CSRNP3: variants seen among roughly 807,000 people sequenced by gnomAD.
CSRNP3 encodes cysteine/serine-rich nuclear protein 3.
CSRNP3 carries 12 observed loss-of-function variants against 48.0 expected under a neutral mutation model. The ratio of observed to expected loss-of-function variants is 0.25; its 90% CI spans 0.16 to 0.41. The LOEUF is 0.41. Among genes scored for constraint, CSRNP3 ranks in the 10% least tolerant of loss-of-function variants. CSRNP3 has a pLI of 1.00. For synonymous variants in CSRNP3, 263 were observed against 269.7 expected (o/e 0.98, Z 0.24); for missense variants, 580 against 724.4 (o/e 0.80, Z 2.29).
chr2:165,590,697 C>T (rs1427529829), intron 3 of CSRNP3, among the ~76,000 whole-genome samples: 1 of 152,074 alleles, frequency 6.6e-6, no homozygotes, highest in Non-Finnish European at 1.5e-5. Flanking sequence ...AAGGGGTTTT[C>T]CCCCTCTATT....
chr2:165,504,631 A>G (rs1159601483), intron 2 of CSRNP3, among the ~76,000 whole-genome samples: 2 of 152,104 alleles, frequency 1.3e-5, no homozygotes, highest in Non-Finnish European at 2.9e-5. Context: ...TATCTATAGT[A>G]TTATTAATTA....
At chr2:165,535,962 C>T (rs1225506154) in intron 3 of CSRNP3, among the ~76,000 whole-genome samples, 1 of 151,776 alleles carries the variant, frequency 6.6e-6, no homozygotes, top group African/African-American at 2.4e-5. Context: ...AATGACTTCT[C>T]TTCTCAGAAA....
intron 2 of CSRNP3, among the ~76,000 whole-genome samples, chr2:165,514,704 A>G (rs537126572): frequency 2.0e-5 from 3 of 151,518 alleles, no homozygotes; most frequent in Admixed American, 2.0e-4. Context: ...ATTCTTCCCA[A>G]CTCCTCCTCC....
chr2:165,547,594 T>G (rs976827148), intron 3 of CSRNP3, among the ~76,000 whole-genome samples: 2 of 152,100 alleles, frequency 1.3e-5, no homozygotes, highest in African/African-American at 4.8e-5. Context: ...ATTAAGTACC[T>G]GCACAGAATG....
At chr2:165,613,913 TG>T (rs1188296192) in intron 4 of CSRNP3, among the ~76,000 whole-genome samples, 3 of 151,044 alleles carry the variant, frequency 2.0e-5, no homozygotes, top group East Asian at 1.9e-4. Flanking sequence ...ACTTTTAGAG[TG>T]TTTTTTTTTT....
intron 5 of CSRNP3, among the ~76,000 whole-genome samples, chr2:165,661,782 C>T (rs936922422): frequency 1.4e-4 from 21 of 152,102 alleles, no homozygotes; most frequent in Admixed American, 1.2e-3. Flanking sequence ...CAGTGAATTG[C>T]CCGCTGAATA....
intron 4 of CSRNP3, among the ~76,000 whole-genome samples, chr2:165,598,450 T>C (rs986762865): frequency 4.6e-5 from 7 of 152,220 alleles, no homozygotes; most frequent in Admixed American, 2.0e-4. Flanking sequence ...AATTTTTATT[T>C]CTGTTAATTT....
chr2:165,655,593 A>T (rs1460867776), intron 4 of CSRNP3, among the ~76,000 whole-genome samples: 2 of 152,194 alleles, frequency 1.3e-5, no homozygotes, highest in African/African-American at 4.8e-5. Context: ...GGGCTCCCGT[A>T]AAAATGACGA....
intron 4 of CSRNP3, among the ~76,000 whole-genome samples, chr2:165,634,877 CTTACT>C (rs1269088801): frequency 6.6e-6 from 1 of 152,210 alleles, no homozygotes; most frequent in African/African-American, 2.4e-5. Context: ...ATCTGTGTGC[CTTACT>C]TTATTGTTAT....
intron 3 of CSRNP3, among the ~76,000 whole-genome samples, chr2:165,582,862 A>G (rs1328173456): frequency 1.3e-5 from 2 of 152,268 alleles, no homozygotes; most frequent in Admixed American, 1.3e-4. Context: ...TCTACCGCAT[A>G]TAAAGTAACT....
At chr2:165,668,401 C>CTTTTTTTTTTTTTTTTT (rs71393687) in intron 5 of CSRNP3, among the ~76,000 whole-genome samples, 8 of 111,500 alleles carry the variant, frequency 7.2e-5, no homozygotes, top group Non-Finnish European at 1.4e-4. Flanking sequence ...TTCTTTCTTT[C>CTTTTTTTTTTTTTTTTT]TTTTTTTTTT....
At chr2:165,653,734 G>A (rs979161047) in intron 4 of CSRNP3, among the ~76,000 whole-genome samples, 1 of 151,980 alleles carries the variant, frequency 6.6e-6, no homozygotes, top group African/African-American at 2.4e-5. Context: ...AACTTTGGGA[G>A]GCCGAGGTGG....
chr2:165,507,736 C>T (rs1300043900), intron 2 of CSRNP3, among the ~76,000 whole-genome samples: 3 of 152,088 alleles, frequency 2.0e-5, no homozygotes, highest in Non-Finnish European at 2.9e-5. Flanking sequence ...GCTTCTGGGG[C>T]GTAATGAAAG....
intron 4 of CSRNP3, among the ~76,000 whole-genome samples, chr2:165,647,349 A>C (rs1193164107): frequency 6.6e-6 from 1 of 152,198 alleles, no homozygotes; most frequent in Non-Finnish European, 1.5e-5. Context: ...TATTTTCTCT[A>C]ATTCATTAGC....
At position 165,507,969 on chromosome 2, in the gene CSRNP3, G is replaced by A. The variant is rs1057335172; in HGVS notation, c.-112-9904G>A. ...ATTCTTGTTCTCCAGGACAAAAATC[G>A]CATGGTTTCCATGCAGGAACATATC... is the stretch of plus-strand genomic sequence containing the variant. On this transcript the variant is annotated intron_variant, in intron 2 of 6. Coordinates refer to ENST00000651982, the MANE Select transcript of CSRNP3 (RefSeq NM_001172173.2). Among the ~76,000 whole-genome samples, 3 of 151,956 alleles carry A rather than the reference G, an allele frequency of 2.0e-5. 1 individual carries two copies. Among genetic ancestry groups the A allele is most frequent in the Non-Finnish European group, 4.4e-5 (3 of 67,988 alleles).
chr2:165,529,889 T>C (rs1032471509), intron 3 of CSRNP3, among the ~76,000 whole-genome samples: 1 of 152,168 alleles, frequency 6.6e-6, no homozygotes, highest in African/African-American at 2.4e-5. Flanking sequence ...GGAGAGAAAA[T>C]TATCTTGCCT....
chr2:165,603,815 C>T (rs1685963988), intron 4 of CSRNP3, among the ~76,000 whole-genome samples: 1 of 152,170 alleles, frequency 6.6e-6, no homozygotes, highest in South Asian at 2.1e-4. Context: ...GGTAGATTTT[C>T]TGGCCATCTC....
At chr2:165,494,680 C>T (rs1684263296) in intron 1 of CSRNP3, 79 bp from the exon 2 acceptor site, 1 of 155,118 alleles carries the variant, frequency 6.4e-6, no homozygotes, top group South Asian at 2.1e-4. Context: ...TTACAGCCCC[C>T]CCAAATGACT....
intron 1 of CSRNP3, among the ~76,000 whole-genome samples, chr2:165,473,134 T>C (rs1316845733): frequency 2.0e-5 from 3 of 152,134 alleles, no homozygotes; most frequent in African/African-American, 4.8e-5. Context: ...ATGCATTTCG[T>C]AGGCTTACTC....
Sources: allele counts gnomAD v4.1 joint callset (sites outside exome capture counted in the v4.1 genomes callset), GRCh38; gene constraint gnomAD v4.1.1; transcripts MANE v1.5; gene names NCBI Gene and HGNC (gene_info 2026-07-23, HGNC 2026-07-21).